POLR1E: variants seen among roughly 807,000 people sequenced by gnomAD.
POLR1E encodes the protein DNA-directed RNA polymerase I subunit RPA49.
Under a neutral mutation model 50.9 loss-of-function variants are expected in POLR1E, and 37 were observed. The ratio of observed to expected loss-of-function variants is 0.73; its 90% CI spans 0.56 to 0.96. The LOEUF (loss-of-function observed/expected upper bound fraction) is 0.96. Ranked by LOEUF, POLR1E falls within the 40% of genes least tolerant of loss-of-function variation. POLR1E has a pLI of 0.00. For missense variants in POLR1E, 426 were observed against 518.1 expected (o/e 0.82, Z 1.73); for synonymous variants, 166 against 191.6 (o/e 0.87, Z 1.10).
At chr9:37,489,120 C>T (rs1290902586) in intron 3 of POLR1E, among the ~76,000 whole-genome samples, 195 bp from the exon 4 acceptor site, 1 of 151,926 alleles carries the variant, frequency 6.6e-6, no homozygotes, top group Non-Finnish European at 1.5e-5. Context: ...CGCCTGTAAT[C>T]CCAGCTACTC....
Position 37,487,874 on chromosome 9 carries a change from A to C in POLR1E, c.192A>C (p.Thr64=), listed in dbSNP as rs2118995983. The change falls in exon 3 of 12, where the codon ACA becomes ACC. Residue 64 remains threonine, a synonymous_variant. Transcript: ENST00000377798. ...KRNQRILAAE[T]DRLSYVGNNF... is the part of the protein sequence containing the mutation. ...TCTCTGCATTTTAGGCAGCTGAAAC[A>C]GATAGGCTCTCCTATGTGGGAAACA... The C allele has an allele frequency of 6.2e-7, 1 of 1,614,216 alleles. No homozygotes were observed. The highest frequency in any genetic ancestry group is 8.5e-7 in the Non-Finnish European group (1 of 1,180,006).
At chr9:37,503,007 G>C in intron 11 of POLR1E, 36 bp from the exon 12 acceptor site, 1 of 1,573,924 alleles carries the variant, frequency 6.4e-7, no homozygotes, top group Non-Finnish European at 8.6e-7. Flanking sequence ...TCATGTTGAG[G>C]GGTCTCTCCA....
rs1564321317 is a variant in POLR1E, at chr9:37,486,123, G to A, written c.76G>A (p.Val26Ile). ...CGACGGGAGCCAGAGAGCTGTACTG[G>A]GTAAAGACTGCGGAGCTGGAGCAGT... The part of the protein sequence containing the change: ...APDGSQRAVL[V>I]QFSNGKLQSP... Residue 26 changes from valine to isoleucine, a missense_variant and splice_region_variant, in exon 1 of 12, where the codon GTC (valine) becomes ATC (isoleucine). Physicochemically the swap from Val to Ile is conservative, Grantham distance 29. Coordinates refer to ENST00000377798, the MANE Select transcript of POLR1E (RefSeq NM_022490.4). 1 of 1,594,992 alleles carries A rather than the reference G, an allele frequency of 6.3e-7. No individual in the cohort carries two copies. The highest frequency in any genetic ancestry group is 8.5e-7 in the Non-Finnish European group (1 of 1,172,324).
At chr9:37,496,862 G>C (rs75838364) in intron 8 of POLR1E, among the ~76,000 whole-genome samples, 9,656 of 152,030 alleles carry the variant, frequency 0.064, 1,016 homozygotes, top group African/African-American at 0.22. Context: ...TTATCTCTGT[G>C]AGTCCAGGGT....
chr9:37,486,886 G>A, intron 2 of POLR1E, 80 bp downstream of exon 2: 1 of 1,502,566 alleles, frequency 6.7e-7, no homozygotes, highest in Non-Finnish European at 8.9e-7. Flanking sequence ...GGGAGGGAGT[G>A]AGGGGAGAAA....
intron 1 of POLR1E, 165 bp from the exon 2 acceptor site, chr9:37,486,538 A>C: frequency 1.3e-6 from 2 of 1,573,144 alleles, no homozygotes; most frequent in Non-Finnish European, 1.7e-6. Flanking sequence ...TCCTCTTCTC[A>C]GCTGGCCCCG....
Position 37,495,270 on chromosome 9 carries a change from G to T in POLR1E, c.649G>T (p.Glu217Ter). 1 of 1,612,154 alleles carries T rather than the reference G, an allele frequency of 6.2e-7. No individual in the cohort carries two copies. Among genetic ancestry groups the T allele is most frequent in the Non-Finnish European group, 8.5e-7 (1 of 1,178,358 alleles). The part of the protein sequence containing the change: ...AAKPEDVYKF[E>*]DLLSPAEYEA... The stretch of plus-strand genomic sequence containing the variant: ...CAAGCCTGAAGACGTGTATAAATTT[G>T]AAGATCGTATCCTTCTTGCAGTAGA... The change falls in exon 7 of 12, where the codon GAA (glutamate) becomes TAA (stop). Residue 217 changes from glutamate (E) to a stop codon, truncating the protein, a stop_gained. Transcript: ENST00000377798. LOFTEE classifies it high-confidence loss of function.
chr9:37,495,189 C>T lies in POLR1E; in HGVS notation c.568C>T (p.His190Tyr), dbSNP rs1820762592. ...AAAAGCTCTGGTCAGCGATGCTATC[C>T]ACAATGACTTGCAAGATGACTCCCT... ...GVTALVSDAI[H>Y]NDLQDDSLYL... The change falls in exon 7 of 12, where the codon CAC (histidine) becomes TAC (tyrosine). Residue 190 changes from histidine to tyrosine, a missense_variant. His to Tyr is a moderately conservative substitution (Grantham distance 83). Transcript: ENST00000377798. The T allele has an allele frequency of 6.2e-7, 1 of 1,613,976 alleles. No homozygotes were observed. The highest frequency in any genetic ancestry group is 1.1e-5 in the South Asian group (1 of 91,092).
rs7863725 is a variant in POLR1E, at chr9:37,495,355, G to A, written c.655+79G>A. Reference sequence around the variant, plus strand: ...ACGTGTGTGCAGTCAGGTTCTCTGAGGGTGTCTGTGTTCTGTGACATTCAC... The same window carrying A: ...ACGTGTGTGCAGTCAGGTTCTCTGAAGGTGTCTGTGTTCTGTGACATTCAC... On this transcript the variant is annotated intron_variant, in intron 7 of 11. Transcript: ENST00000377798. The A allele has an allele frequency of 9.6e-3, 11,176 of 1,167,478 alleles. 685 individuals are homozygous for A. The African/African-American group carries it at 0.14, about 15-fold the overall frequency. 72.3% of individuals were successfully genotyped at this position (1,167,478 alleles called of 1,614,324 possible).
At chr9:37,495,087 G>GT in intron 6 of POLR1E, 82 bp from the exon 7 acceptor site, 1 of 1,183,198 alleles carries the variant, frequency 8.5e-7, no homozygotes, top group Non-Finnish European at 1.3e-6. Context: ...ACCATTGGTG[G>GT]TCTGAAGTGC....
chr9:37,497,241 G>A (rs1178933624), intron 8 of POLR1E, among the ~76,000 whole-genome samples: 4 of 152,210 alleles, frequency 2.6e-5, no homozygotes. Context: ...TGTAATCCCA[G>A]CTACTCAGGA....
In POLR1E at chr9:37,486,611, C is replaced by T. The variant is rs775583695; in HGVS notation, c.77-92C>T. On this transcript the variant is annotated intron_variant, in intron 1 of 11. Transcript: ENST00000377798. ...TCCTTGCCATCCCCATTCTGACACT[C>T]CCTCCCAGTGACAGTCTAGTCCCAC... The T allele has an allele frequency of 2.2e-5, 36 of 1,613,986 alleles. No individual in the cohort carries two copies. In the South Asian group the frequency reaches 3.8e-4, roughly 17 times the overall value.
At chr9:37,502,872 CG>C (rs1463841028) in intron 11 of POLR1E, among the ~76,000 whole-genome samples, 170 bp from the exon 12 acceptor site, 3 of 152,190 alleles carry the variant, frequency 2.0e-5, no homozygotes, top group Non-Finnish European at 4.4e-5. Flanking sequence ...TGGTTCCCAG[CG>C]GGTGAGGGGA....
Position 37,501,718 on chromosome 9 carries a change from G to A in POLR1E, c.974G>A (p.Arg325Gln), listed in dbSNP as rs561301994. Residue 325 changes from arginine to glutamine, a missense_variant, in exon 11 of 12, where the codon CGG becomes CAG. Arg to Gln is a conservative substitution (Grantham distance 43, BLOSUM62 1). Coordinates refer to ENST00000377798, the MANE Select transcript of POLR1E (RefSeq NM_022490.4). Reference protein sequence around the residue: ...TCLTYNNGRLRNLISDSMKAK... With the variant: ...TCLTYNNGRLQNLISDSMKAK... ...TATTGCCACTGATTTTCTAGATTAC[G>A]GAACTTAATTTCGGATTCTATGAAG... The A allele has an allele frequency of 2.9e-5, 47 of 1,606,666 alleles. No individual in the cohort carries two copies. The highest frequency in any genetic ancestry group is 2.4e-4 in the African/African-American group (18 of 74,598).
intron 7 of POLR1E, 30 bp from the exon 8 acceptor site, chr9:37,495,860 G>C (rs1185940879): frequency 6.7e-7 from 1 of 1,501,784 alleles, no homozygotes; most frequent in Admixed American, 1.7e-5. Context: ...TTTCTATTTT[G>C]GTTGGATTAT....
rs1259752306 is a variant in POLR1E, at chr9:37,485,955, G to C, written c.-93G>C. 3 of 1,496,518 alleles carry C rather than the reference G, an allele frequency of 2.0e-6. No homozygotes were observed. The African/African-American group carries it at 4.2e-5, about 21-fold the overall frequency. 92.7% of individuals were successfully genotyped at this position (1,496,518 alleles called of 1,614,324 possible). ...TGCCCGGCGGGGCCACGCCTTTTCC[G>C]GCCCGCAGCGCGGCCTGGGCTCCCG... is the stretch of plus-strand genomic sequence containing the variant. On this transcript the variant is annotated 5_prime_UTR_variant, in exon 1 of 12. Transcript: ENST00000377798.
intron 5 of POLR1E, 85 bp from the exon 6 acceptor site, chr9:37,493,474 C>T (rs1030327509): frequency 8.0e-7 from 1 of 1,242,810 alleles, no homozygotes; most frequent in Non-Finnish European, 1.1e-6. Flanking sequence ...CTCTGGGATG[C>T]TGAGAGTATC....
chr9:37,486,487 C>T (rs1240936381), intron 1 of POLR1E: 2 of 1,552,534 alleles, frequency 1.3e-6, no homozygotes, highest in East Asian at 4.9e-5. Context: ...GACATTCCCT[C>T]CTGTCACAGC....
At chr9:37,486,632 C>G (rs192323920) in intron 1 of POLR1E, 71 bp from the exon 2 acceptor site, 193,316 of 1,614,070 alleles carry the variant, frequency 0.12, 13,376 homozygotes, top group Admixed American at 0.23. Flanking sequence ...ACAGTCTAGT[C>G]CCACCGTACA....
Sources: gnomAD v4.1 joint callset for allele counts (sites outside exome capture counted in the v4.1 genomes callset) on GRCh38, gnomAD v4.1.1 for gene constraint, MANE v1.5 for transcripts, NCBI Gene and HGNC (gene_info 2026-07-23, HGNC 2026-07-21) for gene names.